Variants in DEPDC5 observed in about 807,000 individuals in gnomAD.
DEPDC5 encodes the protein DEP domain containing 5, GATOR1 subcomplex subunit, also known as GATOR1 complex protein DEPDC5.
Under a neutral mutation model 217.3 loss-of-function variants are expected in DEPDC5, and 73 were observed. The observed-to-expected ratio is 0.34, with a 90% CI of 0.28 to 0.41. DEPDC5 has a LOEUF of 0.41. DEPDC5 is among the 10% of genes least tolerant of loss of function. DEPDC5 has a pLI of 1.00. For missense variants in DEPDC5, 1,675 were observed against 2,070.1 expected (o/e 0.81, Z 3.70); for synonymous variants, 733 against 756.7 (o/e 0.97, Z 0.51).
chr22:31,902,408 T>TATATATATATATA (rs2093663741), intron 41 of DEPDC5, among the ~76,000 whole-genome samples: 97 of 111,920 alleles, frequency 8.7e-4, no homozygotes, highest in African/African-American at 3.3e-3. Context: ...CATCTCCTTA[T>TATATATATATATA]TATATATATA....
At chr22:31,779,475 G>C (rs1385352217) in intron 8 of DEPDC5, among the ~76,000 whole-genome samples, 1 of 152,182 alleles carries the variant, frequency 6.6e-6, no homozygotes, top group Non-Finnish European at 1.5e-5. Flanking sequence ...AAGTATTGCA[G>C]ACAGGTAGGG....
chr22:31,873,298 C>T lies in DEPDC5; in HGVS notation c.3529C>T (p.Leu1177=). The change falls in exon 35 of 43, where the codon CTG becomes TTG. Residue 1177 remains leucine, a synonymous_variant. Coordinates refer to ENST00000651528, the MANE Select transcript of DEPDC5 (RefSeq NM_001242896.3). ...VASSLTSSST[L]TEILEAMKHP... ...AAGCTCCTTGACCTCATCCTCTACC[C>T]TGACAGAGATCCTGGAAGCCATGAA... is the stretch of plus-strand genomic sequence containing the variant. 6.2e-7 allele frequency: 1 copy of T among 1,614,076 alleles called. No individual in the cohort carries two copies. The highest frequency in any genetic ancestry group is 8.5e-7 in the Non-Finnish European group (1 of 1,179,956).
Position 31,766,684 on chromosome 22 carries a change from T to C in DEPDC5, c.363+16T>C. On this transcript the variant is annotated intron_variant, in intron 6 of 42. Transcript: ENST00000651528. ...GAAAAGTTTGGTAAGATGTGATTTT[T>C]TTTGAAAGTCTGTTACTTTTTCCAT... The C allele has an allele frequency of 6.2e-7, 1 of 1,609,298 alleles. No homozygotes were observed. The highest frequency in any genetic ancestry group is 8.5e-7 in the Non-Finnish European group (1 of 1,177,042).
chr22:31,799,717 G>A (rs919570180), intron 14 of DEPDC5, among the ~76,000 whole-genome samples: 1 of 150,136 alleles, frequency 6.7e-6, no homozygotes, highest in African/African-American at 2.5e-5. Context: ...GGCCAGGCTG[G>A]TCTCGAGCTC....
chr22:31,879,057 TATATATATATAC>T (rs1374112148), intron 37 of DEPDC5, among the ~76,000 whole-genome samples: 6 of 133,406 alleles, frequency 4.5e-5, no homozygotes, highest in African/African-American at 1.8e-4. Context: ...TATATATATA[TATATATATATAC>T]ACACACACAC....
chr22:31,846,745 T>G, intron 30 of DEPDC5, 89 bp from the exon 31 acceptor site: 1 of 1,575,144 alleles, frequency 6.3e-7, no homozygotes, highest in Non-Finnish European at 8.7e-7. Flanking sequence ...TCCCGGGGCC[T>G]GGGAATGCTG....
chr22:31,883,383 G>A (rs1310964601), intron 38 of DEPDC5, among the ~76,000 whole-genome samples: 3 of 152,164 alleles, frequency 2.0e-5, no homozygotes, highest in Non-Finnish European at 4.4e-5. Context: ...GAGCTGAGAT[G>A]TTAGAGGGAA....
intron 32 of DEPDC5, among the ~76,000 whole-genome samples, chr22:31,859,966 T>C (rs993711854): frequency 2.0e-5 from 3 of 152,244 alleles, no homozygotes; most frequent in African/African-American, 7.2e-5. Flanking sequence ...CCCTGTGTGC[T>C]GTCCACCAGG....
intron 27 of DEPDC5, among the ~76,000 whole-genome samples, chr22:31,839,482 G>A (rs909066244): frequency 6.8e-6 from 1 of 147,012 alleles, no homozygotes; most frequent in Non-Finnish European, 1.5e-5. Flanking sequence ...TCAATGAGCT[G>A]TCTTAGTCTC....
At chr22:31,788,061 C>A (rs2085200468) in intron 10 of DEPDC5, among the ~76,000 whole-genome samples, 1 of 151,580 alleles carries the variant, frequency 6.6e-6, no homozygotes, top group South Asian at 2.1e-4. Context: ...ATATTAAACA[C>A]CTACTATGTA....
At chr22:31,771,432 A>G (rs1382015863) in intron 7 of DEPDC5, among the ~76,000 whole-genome samples, 1 of 152,036 alleles carries the variant, frequency 6.6e-6, no homozygotes, top group Non-Finnish European at 1.5e-5. Flanking sequence ...AGAAATAGTA[A>G]TTTTTAAAAA....
Position 31,869,595 on chromosome 22 carries a change from G to A in DEPDC5, c.3331-995G>A, listed in dbSNP as rs929968185. Among the ~76,000 whole-genome samples, 4 of 151,310 alleles carry A rather than the reference G, an allele frequency of 2.6e-5. 1 individual carries two copies. Among genetic ancestry groups the A allele is most frequent in the Admixed American group, 2.0e-4 (3 of 15,126 alleles). On this transcript the variant is annotated intron_variant, in intron 33 of 42. Transcript: ENST00000651528. ...AAAAAAAAAAAAAAAAAGACTGATA[G>A]GTTTTTAGCCACTAGTTGTGGAGAA...
At chr22:31,818,080 G>A (rs968200766) in intron 21 of DEPDC5, among the ~76,000 whole-genome samples, 4 of 152,072 alleles carry the variant, frequency 2.6e-5, no homozygotes, top group African/African-American at 9.7e-5. Context: ...CTGGGTGGTT[G>A]CTTAATGAAC....
At chr22:31,757,657 C>G (rs1263776754) in intron 2 of DEPDC5, among the ~76,000 whole-genome samples, 1 of 152,192 alleles carries the variant, frequency 6.6e-6, no homozygotes, top group Non-Finnish European at 1.5e-5. Context: ...AACAGCAAAA[C>G]AGTCATTCTG....
intron 38 of DEPDC5, 65 bp downstream of exon 38, chr22:31,879,817 C>T: frequency 2.1e-6 from 3 of 1,461,922 alleles, no homozygotes; most frequent in Non-Finnish European, 2.8e-6. Context: ...AAGTAGTGGC[C>T]AGCCAAGGGA....
At chr22:31,861,115 A>C (rs1318313474) in intron 32 of DEPDC5, among the ~76,000 whole-genome samples, 1 of 144,570 alleles carries the variant, frequency 6.9e-6, no homozygotes, top group Non-Finnish European at 1.5e-5. Flanking sequence ...GGAAGGTGTG[A>C]GTTTCTGCTA....
Position 31,879,706 on chromosome 22 carries a change from C to T in DEPDC5, c.3987C>T (p.Ser1329=), listed in dbSNP as rs2093123026. ...CCTCCTATGCAAGTAGGCACAGCTC[C>T]TTTAGCCGAAGTTTTGGAGGACGGA... The part of the protein sequence containing the change: ...RPASYASRHS[S]FSRSFGGRSQ... The change falls in exon 38 of 43, where the codon TCC becomes TCT. Residue 1329 remains serine, a synonymous_variant. Transcript: ENST00000651528. The T allele has an allele frequency of 6.2e-7, 1 of 1,614,052 alleles. No homozygotes were observed.
intron 39 of DEPDC5, among the ~76,000 whole-genome samples, chr22:31,897,114 CAA>C (rs370146591): frequency 1.4e-5 from 2 of 139,694 alleles, no homozygotes; most frequent in Admixed American, 1.4e-4. Context: ...AAGACTGTCT[CAA>C]AAAAAAAAAA....
intron 25 of DEPDC5, among the ~76,000 whole-genome samples, chr22:31,835,706 A>T (rs192840241): frequency 6.6e-6 from 1 of 152,222 alleles, no homozygotes; most frequent in African/African-American, 2.4e-5. Flanking sequence ...CGGCTGCCAT[A>T]TAGAAAAATG....
Sources: allele counts gnomAD v4.1 joint callset (sites outside exome capture counted in the v4.1 genomes callset), GRCh38; gene constraint gnomAD v4.1.1; transcripts MANE v1.5; gene names NCBI Gene and HGNC (gene_info 2026-07-23, HGNC 2026-07-21).